The following PTPRN2 variants were observed in gnomAD, a reference collection of about 807,000 sequenced individuals.
PTPRN2 encodes protein tyrosine phosphatase receptor type N2, also known as receptor-type tyrosine-protein phosphatase N2.
A neutral mutation model predicts 118.8 loss-of-function variants in PTPRN2; 74 were observed. The ratio of observed to expected loss-of-function variants is 0.62; its 90% CI spans 0.52 to 0.76. The LOEUF (loss-of-function observed/expected upper bound fraction) is 0.76. Ranked by LOEUF, PTPRN2 falls within the 30% of genes least tolerant of loss-of-function variation. PTPRN2 has a pLI of 0.00. For missense variants in PTPRN2, 1,481 were observed against 1,394.4 expected, an observed-to-expected ratio of 1.06 and a Z score of -0.99; for synonymous variants, 641 against 608.0, an observed-to-expected ratio of 1.05 and a Z score of -0.80.
chr7:158,522,418 T>G (rs1360262973), intron 1 of PTPRN2, among the ~76,000 whole-genome samples: 1 of 151,310 alleles, frequency 6.6e-6, no homozygotes, highest in African/African-American at 2.4e-5. Flanking sequence ...AGGTGCTGGC[T>G]CAGGGGGAAG....
chr7:158,321,143 G>A (rs542457418), intron 2 of PTPRN2, among the ~76,000 whole-genome samples: 58 of 152,192 alleles, frequency 3.8e-4, no homozygotes, highest in African/African-American at 1.3e-3. Flanking sequence ...CAGGGGTGCC[G>A]GAGCCAGAGA....
intron 12 of PTPRN2, among the ~76,000 whole-genome samples, chr7:157,757,497 AG>A (rs925230644): frequency 2.0e-5 from 3 of 152,096 alleles, no homozygotes; most frequent in Non-Finnish European, 4.4e-5. Flanking sequence ...GCAACTGGGC[AG>A]GACCCCAGGG....
Position 157,953,819 on chromosome 7 carries a change from G to A in PTPRN2, c.1724-55082C>T, listed in dbSNP as rs965435286. On this transcript the variant is annotated intron_variant, in intron 11 of 22. Coordinates refer to ENST00000389418, the MANE Select transcript of PTPRN2 (RefSeq NM_002847.5). The surrounding 1 kb of genome is among the most constrained non-coding windows in gnomAD (Gnocchi z 4.6). ...GTGAGGGCGACCGAGAAAGGAATGA[G>A]GGCATAAGAGCGGTGCTGGAGAAAT... 3.3e-5 allele frequency among the ~76,000 whole-genome samples: 5 copies of A among 152,158 alleles called. No individual in the cohort carries two copies. Among genetic ancestry groups the A allele is most frequent in the Non-Finnish European group, 7.3e-5 (5 of 68,036 alleles).
intron 2 of PTPRN2, among the ~76,000 whole-genome samples, chr7:158,489,359 A>C (rs1804009597): frequency 6.6e-6 from 1 of 152,176 alleles, no homozygotes; most frequent in South Asian, 2.1e-4. Context: ...AGGCAGGAGA[A>C]TCGCTTGAGC....
intron 3 of PTPRN2, among the ~76,000 whole-genome samples, chr7:158,239,626 T>C (rs2150850449): frequency 6.6e-6 from 1 of 152,250 alleles, no homozygotes; most frequent in Admixed American, 6.5e-5. Context: ...CTCTCGGAGC[T>C]CAAGGACACA....
intron 6 of PTPRN2, among the ~76,000 whole-genome samples, chr7:158,143,347 C>A (rs1819567055): frequency 6.6e-6 from 1 of 152,218 alleles, no homozygotes; most frequent in Admixed American, 6.5e-5. Context: ...GAGCCTGCGG[C>A]AGGAACCGGC....
intron 22 of PTPRN2, among the ~76,000 whole-genome samples, chr7:157,541,028 C>T (rs752176121): frequency 7.2e-5 from 11 of 152,370 alleles, no homozygotes; most frequent in African/African-American, 2.4e-4. Context: ...GAGCTTCTCT[C>T]GCACTAGAAA....
intron 12 of PTPRN2, among the ~76,000 whole-genome samples, chr7:157,707,682 C>T (rs534280062): frequency 1.3e-5 from 2 of 152,128 alleles, no homozygotes; most frequent in South Asian, 4.1e-4. Flanking sequence ...CTCCTGGGTT[C>T]AAGTGATTCT....
intron 11 of PTPRN2, among the ~76,000 whole-genome samples, chr7:157,910,528 C>G (rs772398065): frequency 1.2e-4 from 18 of 151,976 alleles, no homozygotes; most frequent in Non-Finnish European, 2.2e-4. Context: ...TCCAGGATCA[C>G]GCACGTACGC....
chr7:157,842,605 G>A (rs150096455), intron 12 of PTPRN2, among the ~76,000 whole-genome samples: 1 of 152,018 alleles, frequency 6.6e-6, no homozygotes, highest in East Asian at 1.9e-4. Flanking sequence ...AGTAGAGATG[G>A]GGTTTCACCA....
rs1796574436 is a variant in PTPRN2, at chr7:157,674,612, A to G, written c.2001+8113T>C. On this transcript the variant is annotated intron_variant, in intron 13 of 22. Coordinates refer to ENST00000389418, the MANE Select transcript of PTPRN2 (RefSeq NM_002847.5). The surrounding 1 kb of genome is among the most constrained non-coding windows in gnomAD (Gnocchi z 4.5). ...GACAGGCTAATGCATTTCACCACAG[A>G]TAATGCCATTCACCACAGAGGCGCA... is the stretch of plus-strand genomic sequence containing the variant. Among the ~76,000 whole-genome samples, 1 of 152,148 alleles carries G rather than the reference A, an allele frequency of 6.6e-6. No homozygotes were observed.
At chr7:158,562,496 G>A (rs1027548330) in intron 1 of PTPRN2, among the ~76,000 whole-genome samples, 1 of 152,124 alleles carries the variant, frequency 6.6e-6, no homozygotes, top group African/African-American at 2.4e-5. Flanking sequence ...AAATATAATC[G>A]TGGAATCAAC....
Position 158,585,170 on chromosome 7 carries a change from G to A in PTPRN2, c.112+2388C>T, listed in dbSNP as rs149177077. 5.3e-5 allele frequency among the ~76,000 whole-genome samples: 8 copies of A among 152,136 alleles called. No individual in the cohort carries two copies. In the South Asian group the frequency reaches 6.2e-4, roughly 12 times the overall value. On this transcript the variant is annotated intron_variant, in intron 1 of 22. Transcript: ENST00000389418. ...GAAAGAAAAATAGCAGCACCTGCCC[G>A]GCACAGGTAAGAAAGCTTCTCCTTG...
Position 157,674,634 on chromosome 7 carries a change from C to G in PTPRN2, c.2001+8091G>C, listed in dbSNP as rs112619573. Among the ~76,000 whole-genome samples the G allele has an allele frequency of 6.6e-6, 1 of 152,218 alleles. No homozygotes were observed. Among genetic ancestry groups the G allele is most frequent in the Admixed American group, 6.5e-5 (1 of 15,286 alleles). On this transcript the variant is annotated intron_variant, in intron 13 of 22. Transcript: ENST00000389418. The surrounding 1 kb of genome is among the most constrained non-coding windows in gnomAD (Gnocchi z 4.5). The stretch of plus-strand genomic sequence containing the variant: ...CAGATAATGCCATTCACCACAGAGG[C>G]GCATTCTCTCTCGTGCCCATCAAGG...
intron 13 of PTPRN2, among the ~76,000 whole-genome samples, chr7:157,679,999 C>T (rs144422345): frequency 6.6e-6 from 1 of 152,308 alleles, no homozygotes; most frequent in African/African-American, 2.4e-5. Context: ...TCCTGACCTT[C>T]CTTTCCCCAG....
rs979980648 is a variant in PTPRN2, at chr7:158,274,597, G to A, written c.277+42222C>T. Among the ~76,000 whole-genome samples, 11 of 152,180 alleles carry A rather than the reference G, an allele frequency of 7.2e-5. No individual in the cohort carries two copies. The East Asian group carries it at 7.7e-4, about 11-fold the overall frequency. On this transcript the variant is annotated intron_variant, in intron 3 of 22. Coordinates refer to ENST00000389418, the MANE Select transcript of PTPRN2 (RefSeq NM_002847.5). The stretch of plus-strand genomic sequence containing the variant: ...GTGTGTGGACGAGCCCGAGGCGCTC[G>A]GCCCAGCTTGTCAGCAGCCTTCCTG...
chr7:158,387,461 G>A (rs1811496635), intron 2 of PTPRN2, among the ~76,000 whole-genome samples: 1 of 782 alleles, frequency 1.3e-3, no homozygotes, highest in African/African-American at 2.3e-3. Context: ...TGTTTTGTAA[G>A]ACGGTAGCCA....
At chr7:157,858,044 C>T (rs1218565284) in intron 12 of PTPRN2, among the ~76,000 whole-genome samples, 2 of 151,070 alleles carry the variant, frequency 1.3e-5, no homozygotes, top group Non-Finnish European at 3.0e-5. Context: ...CTGAGTCAGC[C>T]CCCCAGCTAC....
At chr7:157,826,942 G>C (rs1807215005) in intron 12 of PTPRN2, among the ~76,000 whole-genome samples, 1 of 152,132 alleles carries the variant, frequency 6.6e-6, no homozygotes, top group African/African-American at 2.4e-5. Flanking sequence ...GGTCTATACT[G>C]ACCCGGCTCC....
Sources: allele counts gnomAD v4.1 joint callset (sites outside exome capture counted in the v4.1 genomes callset), GRCh38; gene constraint gnomAD v4.1.1; non-coding constraint Gnocchi (gnomAD v3.1); transcripts MANE v1.5; gene names NCBI Gene and HGNC (gene_info 2026-07-23, HGNC 2026-07-21).